STOML3: variants seen among roughly 807,000 people sequenced by gnomAD.
The protein encoded by STOML3 is stomatin-like protein 3.
A neutral mutation model predicts 29.5 loss-of-function variants in STOML3; 31 were observed. The observed-to-expected ratio is 1.05, with a 90% CI of 0.79 to 1.42. The LOEUF is 1.42. STOML3 is among the 40% of genes most tolerant of loss of function. The pLI is 0.00. For missense variants in STOML3, 380 were observed against 363.0 expected (o/e 1.05, Z -0.38); for synonymous variants, 122 against 139.8 (o/e 0.87, Z 0.90).
chr13:38,969,002 AG>A (rs1368782969), intron 5 of STOML3, among the ~76,000 whole-genome samples: 5 of 152,176 alleles, frequency 3.3e-5, no homozygotes, highest in Non-Finnish European at 5.9e-5. Context: ...TACCTATAAA[AG>A]GTTTTCTTTC....
intron 1 of STOML3, among the ~76,000 whole-genome samples, chr13:38,982,865 C>A (rs980884423): frequency 6.6e-6 from 1 of 152,076 alleles, no homozygotes; most frequent in African/African-American, 2.4e-5. Flanking sequence ...TGCATCACCC[C>A]TCTGTCCACC....
chr13:38,977,324 A>G (rs899234646), intron 1 of STOML3, among the ~76,000 whole-genome samples: 2 of 152,226 alleles, frequency 1.3e-5, no homozygotes, highest in African/African-American at 4.8e-5. Flanking sequence ...AAGCATTAGG[A>G]TAGAAGACCA....
intron 1 of STOML3, among the ~76,000 whole-genome samples, chr13:38,978,176 CAG>C (rs1881156122): frequency 6.6e-6 from 1 of 151,614 alleles, no homozygotes; most frequent in African/African-American, 2.4e-5. Context: ...TTTTTTGAGA[CAG>C]AGTCTCATTC....
intron 1 of STOML3, among the ~76,000 whole-genome samples, chr13:38,985,497 T>G (rs1021450130): frequency 6.6e-6 from 1 of 152,176 alleles, no homozygotes; most frequent in Non-Finnish European, 1.5e-5. Context: ...CTTATCATTC[T>G]TCTTTCTCCC....
At chr13:38,988,571 T>A (rs182583895) in intron 1 of STOML3, among the ~76,000 whole-genome samples, 968 of 101,336 alleles carry the variant, frequency 9.6e-3, no homozygotes, top group Middle Eastern at 0.033. Flanking sequence ...ATAATATATT[T>A]TATATCATAT....
At chr13:38,970,856 G>A (rs766891306) in intron 4 of STOML3, among the ~76,000 whole-genome samples, 8 of 152,040 alleles carry the variant, frequency 5.3e-5, no homozygotes, top group African/African-American at 1.9e-4. Context: ...AATCGATTTC[G>A]CTCTATGGAG....
At chr13:38,985,911 C>CTTTTTTTTTTTTTTTTTTTTTTTCTTTTT (rs1170409048) in intron 1 of STOML3, among the ~76,000 whole-genome samples, 1 of 85,616 alleles carries the variant, frequency 1.2e-5, no homozygotes, top group Non-Finnish European at 2.1e-5. Flanking sequence ...TCTTTTCTTT[C>CTTTTTTTTTTTTTTTTTTTTTTTCTTTTT]TTTTTTTTTT....
chr13:38,970,314 T>C lies in STOML3; in HGVS notation c.387A>G (p.Ala129=), dbSNP rs1880816277. The C allele has an allele frequency of 1.2e-6, 2 of 1,614,218 alleles. No individual in the cohort carries two copies. Among genetic ancestry groups the C allele is most frequent in the Non-Finnish European group, 1.7e-6 (2 of 1,180,032 alleles). The change falls in exon 5 of 7, where the codon GCA becomes GCG. Residue 129 remains alanine (A), a synonymous_variant. Transcript: ENST00000379631. The stretch of plus-strand genomic sequence containing the variant: ...GATGGACATCGTTGACATTAGCCAC[T>C]GCTGAGACAGCACTATAGATTCTGT... ...VYYRIYSAVS[A]VANVNDVHQA...
chr13:38,976,131 A>G (rs1178864598), intron 3 of STOML3, among the ~76,000 whole-genome samples: 4 of 152,168 alleles, frequency 2.6e-5, no homozygotes, highest in Non-Finnish European at 5.9e-5. Flanking sequence ...AGCCCTTTTC[A>G]AAGAGTGAGC....
intron 5 of STOML3, 126 bp downstream of exon 5, chr13:38,970,059 T>C (rs1880802299): frequency 1.3e-6 from 1 of 760,732 alleles, no homozygotes; most frequent in Non-Finnish European, 2.1e-6. Flanking sequence ...AGAGCAGTTG[T>C]CTGTGTGTGA....
At chr13:38,969,503 T>C (rs1040907964) in intron 5 of STOML3, among the ~76,000 whole-genome samples, 1 of 152,184 alleles carries the variant, frequency 6.6e-6, no homozygotes, top group Non-Finnish European at 1.5e-5. Flanking sequence ...TTATAAAAGC[T>C]TGGGACCTTT....
Position 38,976,750 on chromosome 13 carries a change from G to T in STOML3, c.100C>A (p.Leu34Ile). Residue 34 changes from leucine (L) to isoleucine (I), a missense_variant, in exon 2 of 7, where the codon CTC becomes ATC. Physicochemically the swap from Leu to Ile is conservative, Grantham distance 5 (BLOSUM62 2). Transcript: ENST00000379631. ...GTAATGATCACCAACAGGAAAGAGAGGGAAAACAGGATCCAGCCACATACA... is the reference window on the plus strand; with the variant it reads ...GTAATGATCACCAACAGGAAAGAGATGGAAAACAGGATCCAGCCACATACA... ...LGVCGWILFSLSFLLVIITFP... is the reference protein window; with the variant it reads ...LGVCGWILFSISFLLVIITFP... The T allele has an allele frequency of 6.2e-7, 1 of 1,614,038 alleles. No individual in the cohort carries two copies. The highest frequency in any genetic ancestry group is 2.2e-5 in the East Asian group (1 of 44,866).
chr13:38,970,064 G>T, intron 5 of STOML3, 121 bp downstream of exon 5: 1 of 817,964 alleles, frequency 1.2e-6, no homozygotes, highest in Non-Finnish European at 2.0e-6. Flanking sequence ...AGTTGTCTGT[G>T]TGTGAGTGTG....
At chr13:38,990,620 C>T (rs1188559578) in intron 1 of STOML3, 50 bp downstream of exon 1, 3 of 1,591,862 alleles carry the variant, frequency 1.9e-6, no homozygotes, top group African/African-American at 2.7e-5. Context: ...ACAACTCCTG[C>T]TTTGCCATAT....
At chr13:38,989,298 T>C (rs1205193347) in intron 1 of STOML3, among the ~76,000 whole-genome samples, 1 of 152,000 alleles carries the variant, frequency 6.6e-6, no homozygotes, top group Non-Finnish European at 1.5e-5. Context: ...TCATGCCATC[T>C]ACCCAGTTGA....
Position 38,968,399 on chromosome 13 carries a change from C to A in STOML3, c.651+1G>T. The A allele has an allele frequency of 3.1e-6, 5 of 1,614,156 alleles. No individual in the cohort carries two copies. The highest frequency in any genetic ancestry group is 4.2e-6 in the Non-Finnish European group (5 of 1,180,022). On this transcript the variant is annotated splice_donor_variant, in intron 6 of 6. Transcript: ENST00000379631. LOFTEE classifies it high-confidence loss of function. ...CCATGTGTGAACTGCACAACACTTACCTTGGCTCTCGCTTCCCGGGTGGCC... is the reference window on the plus strand; with the variant it reads ...CCATGTGTGAACTGCACAACACTTAACTTGGCTCTCGCTTCCCGGGTGGCC...
intron 1 of STOML3, among the ~76,000 whole-genome samples, chr13:38,987,966 TATATTA>T (rs1311981430): frequency 1.1e-5 from 1 of 90,836 alleles, no homozygotes; most frequent in East Asian, 3.5e-4. Context: ...TTTTATATAA[TATATTA>T]TATGTTATAT....
At chr13:38,978,236 T>A (rs1881159831) in intron 1 of STOML3, among the ~76,000 whole-genome samples, 1 of 151,716 alleles carries the variant, frequency 6.6e-6, no homozygotes, top group Non-Finnish European at 1.5e-5. Flanking sequence ...TCACTGCAAC[T>A]TCCATCTCCC....
rs71074495 is a variant in STOML3, at chr13:38,973,096, TAAAAAAA to T, written c.230-509_230-503del. Among the ~76,000 whole-genome samples, 87 of 32,566 alleles carry T rather than the reference TAAAAAAA, an allele frequency of 2.7e-3. 1 individual carries two copies. The highest frequency in any genetic ancestry group is 0.016 in the East Asian group (10 of 622). 21.4% of individuals were successfully genotyped at this position (32,566 alleles called of 152,430 possible). ...CAACATGGTGAAGCCCCGTCTCTAC[TAAAAAAA>T]AAAAAAAAAAAAAAAAAAAAAAAAA... is the stretch of plus-strand genomic sequence containing the variant. On this transcript the variant is annotated intron_variant, in intron 3 of 6. Coordinates refer to ENST00000379631, the MANE Select transcript of STOML3 (RefSeq NM_145286.3).
Sources: allele counts gnomAD v4.1 joint callset (sites outside exome capture counted in the v4.1 genomes callset), GRCh38; gene constraint gnomAD v4.1.1; transcripts MANE v1.5; gene names NCBI Gene and HGNC (gene_info 2026-07-23, HGNC 2026-07-21).